Variants in BLOC1S6 observed in about 807,000 individuals in gnomAD.
BLOC1S6 encodes biogenesis of lysosome-related organelles complex 1 subunit 6.
BLOC1S6 carries 24 observed loss-of-function variants against 24.7 expected under a neutral mutation model. That is an observed-to-expected ratio of 0.97 (90% confidence interval 0.70 to 1.37). The LOEUF is 1.37. Ranked by LOEUF, BLOC1S6 falls within the 40% of genes most tolerant of loss-of-function variation. The pLI, the probability that BLOC1S6 is intolerant of heterozygous loss-of-function variation, is 0.00. For synonymous variants in BLOC1S6, 76 were observed against 72.6 expected (o/e 1.05, Z -0.23); for missense variants, 175 against 196.2 (o/e 0.89, Z 0.64).
intron 3 of BLOC1S6, among the ~76,000 whole-genome samples, chr15:45,603,738 C>G (rs563771757): frequency 3.3e-5 from 5 of 151,858 alleles, no homozygotes; most frequent in Non-Finnish European, 5.9e-5. Context: ...ACAAAAAGAG[C>G]GAACTGGAAG....
chr15:45,603,408 G>A (rs943428262), intron 3 of BLOC1S6, among the ~76,000 whole-genome samples: 1 of 152,124 alleles, frequency 6.6e-6, no homozygotes, highest in African/African-American at 2.4e-5. Context: ...TATAATTGAA[G>A]ACTTAGAAAA....
intron 2 of BLOC1S6, among the ~76,000 whole-genome samples, chr15:45,601,985 A>G (rs528003322): frequency 2.6e-5 from 4 of 152,224 alleles, no homozygotes; most frequent in South Asian, 4.2e-4. Flanking sequence ...GGCTCAAGCA[A>G]TCCTTCTGCC....
intron 3 of BLOC1S6, among the ~76,000 whole-genome samples, chr15:45,604,582 A>T (rs905768412): frequency 1.3e-5 from 2 of 152,122 alleles, no homozygotes; most frequent in African/African-American, 2.4e-5. Context: ...TCTCTTAGTC[A>T]AGAGTAGTTT....
chr15:45,590,185 C>A (rs968346961), intron 1 of BLOC1S6, among the ~76,000 whole-genome samples: 7 of 151,922 alleles, frequency 4.6e-5, no homozygotes, highest in African/African-American at 1.7e-4. Flanking sequence ...CTCTCTCTCT[C>A]TCTCTCTCTA....
rs1374176325 is a variant in BLOC1S6, at chr15:45,606,499, A to T, written c.504A>T (p.Pro168=). Residue 168 remains proline, a synonymous_variant, in exon 5 of 5, where the codon CCA becomes CCT. Coordinates refer to ENST00000220531, the MANE Select transcript of BLOC1S6 (RefSeq NM_012388.4). ...FEREKQLTAR[P]AKRM The stretch of plus-strand genomic sequence containing the variant: ...GAGAAAAGCAGTTAACTGCCAGACC[A>T]GCCAAAAGGATGTGAAAAGTTGTGT... The T allele has an allele frequency of 6.2e-7, 1 of 1,614,042 alleles. No homozygotes were observed. The highest frequency in any genetic ancestry group is 1.3e-5 in the African/African-American group (1 of 74,922).
intron 2 of BLOC1S6, 112 bp downstream of exon 2, chr15:45,592,388 G>A (rs1038125303): frequency 1.0e-5 from 13 of 1,286,854 alleles, no homozygotes; most frequent in Non-Finnish European, 1.3e-5. Context: ...AATTATAATT[G>A]AGTATGTCTA....
intron 2 of BLOC1S6, among the ~76,000 whole-genome samples, chr15:45,595,063 AAACCCCC>A (rs1223526034): frequency 1.8e-4 from 28 of 152,150 alleles, no homozygotes; most frequent in African/African-American, 6.3e-4. Flanking sequence ...CAGTGAGAGG[AAACCCCC>A]GCTGCCAGCA....
intron 1 of BLOC1S6, chr15:45,587,851 A>G (rs1163905346): frequency 2.9e-6 from 2 of 679,480 alleles, no homozygotes; most frequent in Admixed American, 2.2e-5. Context: ...TTTACCAGAA[A>G]GATGATCAGC....
chr15:45,605,461 G>A lies in BLOC1S6; in HGVS notation c.346G>A (p.Val116Met). 2 of 1,612,434 alleles carry A rather than the reference G, an allele frequency of 1.2e-6. No homozygotes were observed. The highest frequency in any genetic ancestry group is 1.7e-6 in the Non-Finnish European group (2 of 1,179,260). ...GGCTAAACACTATCATGCCAAGTTG[G>A]TGAATATAAGAAAAGAGATGCTGAT... ...AEAKHYHAKLVNIRKEMLMLH... is the reference protein window; with the variant it reads ...AEAKHYHAKLMNIRKEMLMLH... Residue 116 changes from valine to methionine, a missense_variant, in exon 4 of 5, where the codon GTG becomes ATG. Coordinates refer to ENST00000220531, the MANE Select transcript of BLOC1S6 (RefSeq NM_012388.4).
At chr15:45,588,525 C>A (rs996779756) in intron 1 of BLOC1S6, among the ~76,000 whole-genome samples, 4 of 152,166 alleles carry the variant, frequency 2.6e-5, no homozygotes, top group African/African-American at 9.7e-5. Context: ...GGGGATTCTC[C>A]TATACAATTC....
upstream of BLOC1S6, chr15:45,587,366 C>A (rs758362537): frequency 4.8e-4 from 663 of 1,372,958 alleles, no homozygotes; most frequent in Middle Eastern, 2.3e-3. Context: ...TCCGGCCAGC[C>A]GCTGGAGTCG....
At chr15:45,592,306 C>G in intron 2 of BLOC1S6, 30 bp downstream of exon 2, 1 of 1,611,346 alleles carries the variant, frequency 6.2e-7, no homozygotes, top group Non-Finnish European at 8.5e-7. Context: ...GATATACACT[C>G]ATTTCCTCTG....
chr15:45,599,588 C>G (rs1894196693), intron 2 of BLOC1S6: 1 of 94,560 alleles, frequency 1.1e-5, no homozygotes, highest in Non-Finnish European at 1.9e-5. Flanking sequence ...AAATGCTCAT[C>G]ATCACTGGCC....
At chr15:45,604,111 G>C (rs1215147799) in intron 3 of BLOC1S6, among the ~76,000 whole-genome samples, 1 of 152,130 alleles carries the variant, frequency 6.6e-6, no homozygotes, top group Non-Finnish European at 1.5e-5. Flanking sequence ...ACTTATGACT[G>C]TAATCCCAGC....
rs962838615 is a variant in BLOC1S6, at chr15:45,607,153, G to C, written c.*639G>C. 1 of 152,544 alleles carries C rather than the reference G, an allele frequency of 6.6e-6. No homozygotes were observed. The highest frequency in any genetic ancestry group is 2.4e-5 in the African/African-American group (1 of 41,456). 9.4% of individuals were successfully genotyped at this position (152,544 alleles called of 1,614,324 possible). ...TTAAAAATAATTTGGTTTGTGGACTGGGCATGGTGGCTTATGGAAAAGAGG... is the reference window on the plus strand; with the variant it reads ...TTAAAAATAATTTGGTTTGTGGACTCGGCATGGTGGCTTATGGAAAAGAGG... On this transcript the variant is annotated 3_prime_UTR_variant, in exon 5 of 5. Coordinates refer to ENST00000220531, the MANE Select transcript of BLOC1S6 (RefSeq NM_012388.4).
intron 3 of BLOC1S6, among the ~76,000 whole-genome samples, chr15:45,605,184 T>G (rs1566904880): frequency 6.6e-6 from 1 of 152,256 alleles, no homozygotes; most frequent in African/African-American, 2.4e-5. Context: ...TATGCCCATC[T>G]TAATATAAAT....
intron 2 of BLOC1S6, among the ~76,000 whole-genome samples, chr15:45,593,448 TAG>T (rs1292479511): frequency 6.6e-6 from 1 of 150,956 alleles, no homozygotes; most frequent in Non-Finnish European, 1.5e-5. Flanking sequence ...TGTACTACTA[TAG>T]TTAGGGAGTT....
At chr15:45,603,560 G>GA (rs142876065) in intron 3 of BLOC1S6, among the ~76,000 whole-genome samples, 2,300 of 152,002 alleles carry the variant, frequency 0.015, 16 homozygotes, top group Non-Finnish European at 0.022. Flanking sequence ...AAGTAATTTA[G>GA]AAAAATAGTT....
rs569793643 is a variant in BLOC1S6 at position 45,603,118 on chromosome 15, G to T, written c.243G>T (p.Leu81Phe). The T allele has an allele frequency of 2.5e-6, 4 of 1,611,176 alleles. No homozygotes were observed. The Admixed American group carries it at 5.0e-5, about 20-fold the overall frequency. Reference sequence around the variant, plus strand: ...GTTTCAGACAGAACCAAGTTGTATTGTTAGACACACTGGAACAAGAGATTT... The same window carrying T: ...GTTTCAGACAGAACCAAGTTGTATTTTTAGACACACTGGAACAAGAGATTT... ...LQELTQNQVV[L>F]LDTLEQEISK... Residue 81 changes from leucine to phenylalanine, a missense_variant, in exon 3 of 5, where the codon TTG (leucine) becomes TTT (phenylalanine). Coordinates refer to ENST00000220531, the MANE Select transcript of BLOC1S6 (RefSeq NM_012388.4).
Sources: gnomAD v4.1 joint callset for allele counts (sites outside exome capture counted in the v4.1 genomes callset) on GRCh38, gnomAD v4.1.1 for gene constraint, MANE v1.5 for transcripts, NCBI Gene and HGNC (gene_info 2026-07-23, HGNC 2026-07-21) for gene names.